Variants in BBOX1 observed in about 807,000 individuals in gnomAD.
The protein encoded by BBOX1 is gamma-butyrobetaine hydroxylase 1, also known as gamma-butyrobetaine dioxygenase.
In BBOX1, 35 loss-of-function variants were observed where a neutral mutation model predicts 41.6. That is an observed-to-expected ratio of 0.84 (90% CI 0.64 to 1.11). BBOX1 has a LOEUF of 1.11. Among genes scored for constraint, BBOX1 ranks in the 50% most tolerant of loss-of-function variants. BBOX1 has a pLI of 0.00. For missense variants in BBOX1, 458 were observed against 460.6 expected (o/e 0.99, Z 0.05); for synonymous variants, 163 against 154.7 (o/e 1.05, Z -0.40).
At position 27,123,837 on chromosome 11, in the gene BBOX1, C is replaced by T. The variant is rs117521940; in HGVS notation, c.837-1817C>T. On this transcript the variant is annotated intron_variant, in intron 7 of 8. Transcript: ENST00000263182. ...AAAGCATGTGGAAGCAGGTAGGGTA[C>T]TCCATTACCTAGTGAGTCACATTTG... Among the ~76,000 whole-genome samples, 1,381 of 152,250 alleles carry T rather than the reference C, an allele frequency of 9.1e-3. 12 individuals are homozygous for T. Among genetic ancestry groups the T allele is most frequent in the Non-Finnish European group, 0.015 (1,006 of 68,028 alleles).
At chr11:27,050,707 C>T (rs1305905508) in intron 2 of BBOX1, among the ~76,000 whole-genome samples, 1 of 152,066 alleles carries the variant, frequency 6.6e-6, no homozygotes, top group African/African-American at 2.4e-5. Context: ...TGCAACTTTA[C>T]TAAATTTATT....
intron 7 of BBOX1, among the ~76,000 whole-genome samples, chr11:27,120,454 A>T (rs917784548): frequency 6.6e-6 from 1 of 152,054 alleles, no homozygotes; most frequent in Non-Finnish European, 1.5e-5. Context: ...CACATGTTCA[A>T]CTCTGGAGCA....
At chr11:27,099,388 T>G (rs370813909) in intron 5 of BBOX1, among the ~76,000 whole-genome samples, 2 of 151,168 alleles carry the variant, frequency 1.3e-5, no homozygotes, top group African/African-American at 4.9e-5. Context: ...AAATTCAACT[T>G]CAGGGAATGA....
chr11:27,107,312 T>A (rs1476480242), intron 5 of BBOX1, among the ~76,000 whole-genome samples: 3 of 152,024 alleles, frequency 2.0e-5, no homozygotes, highest in East Asian at 1.9e-4. Context: ...CTGGTTTTTT[T>A]AAAAGATTAA....
intron 4 of BBOX1, among the ~76,000 whole-genome samples, chr11:27,086,699 A>G (rs1008160070): frequency 6.6e-6 from 1 of 152,262 alleles, no homozygotes; most frequent in Admixed American, 6.5e-5. Flanking sequence ...TTTAAGAAAC[A>G]CACATTTTAT....
intron 4 of BBOX1, among the ~76,000 whole-genome samples, chr11:27,080,595 A>G (rs990354085): frequency 6.6e-6 from 1 of 152,138 alleles, no homozygotes; most frequent in South Asian, 2.1e-4. Context: ...GAGACAAATA[A>G]ATGTACAAAT....
chr11:27,054,432 G>A (rs1414099072), intron 2 of BBOX1, among the ~76,000 whole-genome samples: 1 of 152,076 alleles, frequency 6.6e-6, no homozygotes, highest in African/African-American at 2.4e-5. Flanking sequence ...TAGAGTGCTG[G>A]AAAATAACAT....
chr11:27,060,144 G>A (rs932777071), intron 4 of BBOX1, among the ~76,000 whole-genome samples: 4 of 152,102 alleles, frequency 2.6e-5, no homozygotes, highest in African/African-American at 9.7e-5. Flanking sequence ...GGGCCTCGTG[G>A]GAGGTGACTG....
intron 5 of BBOX1, among the ~76,000 whole-genome samples, chr11:27,107,295 C>T (rs550915628): frequency 5.2e-4 from 79 of 152,174 alleles, no homozygotes; most frequent in African/African-American, 1.8e-3. Context: ...ATCAATGAAT[C>T]CAGGAGCTGG....
In BBOX1 at chr11:27,059,380, T is replaced by C. The variant is rs571456445; in HGVS notation, c.334+2065T>C. Among the ~76,000 whole-genome samples the C allele has an allele frequency of 4.1e-4, 62 of 152,290 alleles. No individual in the cohort carries two copies. In the East Asian group the frequency reaches 5.4e-3, roughly 13 times the overall value. On this transcript the variant is annotated intron_variant, in intron 4 of 8. Coordinates refer to ENST00000263182, the MANE Select transcript of BBOX1 (RefSeq NM_003986.3). ...TTGCGGTTTTTGCCATTAAAAGTAA[T>C]AGTAAATATAAGAAAGCCTGGGTGC...
intron 4 of BBOX1, among the ~76,000 whole-genome samples, chr11:27,089,139 C>T (rs1429685707): frequency 2.0e-5 from 3 of 151,880 alleles, no homozygotes; most frequent in African/African-American, 7.2e-5. Flanking sequence ...TTTCTTCATG[C>T]ATGACCTATC....
chr11:27,125,639 C>T lies in BBOX1; in HGVS notation c.837-15C>T. ...TTCATGAATTATATATTAATTTTTT[C>T]TCTTAATAAAACAGGTTAGATGATA... On this transcript the variant is annotated splice_polypyrimidine_tract_variant and intron_variant, in intron 7 of 8. Coordinates refer to ENST00000263182, the MANE Select transcript of BBOX1 (RefSeq NM_003986.3). 1.4e-6 allele frequency: 2 copies of T among 1,478,900 alleles called. No homozygotes were observed. Among genetic ancestry groups the T allele is most frequent in the Non-Finnish European group, 1.8e-6 (2 of 1,109,314 alleles). The allele number at this position is 1,478,900 out of a possible 1,614,324, so 91.6% of individuals were successfully genotyped here.
At chr11:27,105,858 A>T (rs1040560622) in intron 5 of BBOX1, among the ~76,000 whole-genome samples, 5 of 152,192 alleles carry the variant, frequency 3.3e-5, no homozygotes, top group African/African-American at 1.2e-4. Context: ...CGGGTTACCC[A>T]CAAAGGGAAG....
chr11:27,059,043 C>T (rs1249698427), intron 4 of BBOX1, among the ~76,000 whole-genome samples: 1 of 152,200 alleles, frequency 6.6e-6, no homozygotes, highest in East Asian at 1.9e-4. Flanking sequence ...ATTTCATAGA[C>T]CTGCACAGCA....
intron 2 of BBOX1, among the ~76,000 whole-genome samples, chr11:27,045,909 C>G (rs1044056776): frequency 6.6e-6 from 1 of 152,084 alleles, no homozygotes; most frequent in African/African-American, 2.4e-5. Context: ...CCTCCAAAGC[C>G]TATGATTGAA....
rs562622718 is a variant in BBOX1 at position 27,057,057 on chromosome 11, T to G, written c.220-144T>G. 188 of 137,160 alleles carry G rather than the reference T, an allele frequency of 1.4e-3. 1 individual carries two copies. The African/African-American group carries it at 0.029, about 21-fold the overall frequency. The allele number at this position is 137,160 out of a possible 1,614,324, so 8.5% of individuals were successfully genotyped here. A position where few individuals can be genotyped will look rare whatever the true frequency, so the allele number is the denominator to read the frequency against. ...CTCCAGCCTGGCAACAGAGGAAGAC[T>G]CCGACTTAAAAAAAAAAAAAAAAAA... On this transcript the variant is annotated intron_variant, in intron 3 of 8. Coordinates refer to ENST00000263182, the MANE Select transcript of BBOX1 (RefSeq NM_003986.3).
intron 5 of BBOX1, among the ~76,000 whole-genome samples, chr11:27,103,116 C>T (rs751375324): frequency 2.6e-5 from 4 of 151,970 alleles, no homozygotes; most frequent in Non-Finnish European, 4.4e-5. Flanking sequence ...CTTGAACCCA[C>T]GAGGCGGAGG....
rs1856948133 is a variant in BBOX1, at chr11:27,055,463, T to C, written c.33T>C (p.Leu11=). The change falls in exon 3 of 9, where the codon CTT becomes CTC. Residue 11 remains leucine, a synonymous_variant. Transcript: ENST00000263182. ...GTACCATCCAAAAGGCAGAAGCACT[T>C]GACGGGGCTCATTTGATGCAGATCC... is the stretch of plus-strand genomic sequence containing the variant. MACTIQKAEA[L]DGAHLMQILW... The C allele has an allele frequency of 6.2e-7, 1 of 1,613,924 alleles. No individual in the cohort carries two copies. The highest frequency in any genetic ancestry group is 8.5e-7 in the Non-Finnish European group (1 of 1,180,036).
chr11:27,055,484 G>C lies in BBOX1; in HGVS notation c.54G>C (p.Gln18His). The C allele has an allele frequency of 6.2e-7, 1 of 1,614,180 alleles. No individual in the cohort carries two copies. The highest frequency in any genetic ancestry group is 1.1e-5 in the South Asian group (1 of 91,082). The stretch of plus-strand genomic sequence containing the variant: ...CACTTGACGGGGCTCATTTGATGCA[G>C]ATCCTCTGGTATGATGAGGAAGAGT... ...AEALDGAHLM[Q>H]ILWYDEEESL... The change falls in exon 3 of 9, where the codon CAG becomes CAC. Residue 18 changes from glutamine (Q) to histidine (H), a missense_variant. Gln to His is a conservative substitution (Grantham distance 24). Transcript: ENST00000263182.
Sources: allele counts gnomAD v4.1 joint callset (sites outside exome capture counted in the v4.1 genomes callset), GRCh38; gene constraint gnomAD v4.1.1; transcripts MANE v1.5; gene names NCBI Gene and HGNC (gene_info 2026-07-23, HGNC 2026-07-21).